The following SPTBN2 variants were observed in gnomAD, a reference collection of about 807,000 sequenced individuals.
SPTBN2 encodes the protein spectrin beta, non-erythrocytic 2.
Under a neutral mutation model 284.2 loss-of-function variants are expected in SPTBN2, and 107 were observed. The ratio of observed to expected loss-of-function variants is 0.38; its 90% CI spans 0.32 to 0.44. The LOEUF is 0.44. Ranked by LOEUF, SPTBN2 falls within the 20% of genes least tolerant of loss-of-function variation. SPTBN2 has a pLI of 1.00. For synonymous variants in SPTBN2, 1,289 were observed against 1,354.8 expected (o/e 0.95, Z 1.07); for missense variants, 2,569 against 3,287.1 (o/e 0.78, Z 5.34).
intron 1 of SPTBN2, among the ~76,000 whole-genome samples, chr11:66,740,871 GC>G (rs1428182187): frequency 6.6e-6 from 1 of 152,144 alleles, no homozygotes; most frequent in Non-Finnish European, 1.5e-5. Context: ...CTCTAGGGGA[GC>G]CTAAGAAACA....
chr11:66,705,248 G>A lies in SPTBN2; in HGVS notation c.2028C>T (p.Ala676=). 1 of 1,572,476 alleles carries A rather than the reference G, an allele frequency of 6.4e-7. No homozygotes were observed. Among genetic ancestry groups the A allele is most frequent in the South Asian group, 1.1e-5 (1 of 87,804 alleles). ...SADTGRDLTG[A]LRLLNKHTAL... The stretch of plus-strand genomic sequence containing the variant: ...CTGTGTGCTTGTTGAGCAGGCGGAG[G>A]GCACCGGTCAGGTCTCGGCCCGTGT... Residue 676 remains alanine, a synonymous_variant, in exon 15 of 38, where the codon GCC becomes GCT. Coordinates refer to ENST00000533211, the MANE Select transcript of SPTBN2 (RefSeq NM_006946.4).
At chr11:66,696,675 C>A (rs561901119) in intron 20 of SPTBN2, 135 bp from the exon 21 acceptor site, 1 of 1,218,196 alleles carries the variant, frequency 8.2e-7, no homozygotes, top group Non-Finnish European at 1.2e-6. Flanking sequence ...GTGTTCTTAT[C>A]GACACACTCT....
intron 36 of SPTBN2, chr11:66,686,758 A>C (rs1940142519): frequency 1.5e-6 from 1 of 652,700 alleles, no homozygotes; most frequent in Non-Finnish European, 2.6e-6. Flanking sequence ...ACCCTGGGTA[A>C]TTTTTCACCT....
At chr11:66,697,192 TG>T (rs1047747057) in intron 20 of SPTBN2, among the ~76,000 whole-genome samples, 3 of 152,146 alleles carry the variant, frequency 2.0e-5, no homozygotes, top group Admixed American at 1.3e-4. Flanking sequence ...CTGATGCCCA[TG>T]GGGGTAACTG....
chr11:66,743,511 C>T (rs929852422), intron 1 of SPTBN2, among the ~76,000 whole-genome samples: 1 of 152,190 alleles, frequency 6.6e-6, no homozygotes, highest in Non-Finnish European at 1.5e-5. Flanking sequence ...CTTTGCCAGG[C>T]AGGAATCTCT....
intron 21 of SPTBN2, among the ~76,000 whole-genome samples, chr11:66,695,228 A>G (rs1940837494): frequency 6.6e-6 from 1 of 152,180 alleles, no homozygotes; most frequent in African/African-American, 2.4e-5. Context: ...CTAGCCTTAT[A>G]AAGTTTTTAT....
rs745800179 is a variant in SPTBN2 at position 66,710,554 on chromosome 11, G to A, written c.1073+28C>T. On this transcript the variant is annotated intron_variant, in intron 10 of 37. Coordinates refer to ENST00000533211, the MANE Select transcript of SPTBN2 (RefSeq NM_006946.4). This position sits in a 1 kb window ranked among gnomAD's most constrained non-coding sequence, Gnocchi z 4.9. ...TTCCTCTCGTGGGAGCACAGCTCAG[G>A]GAAGGGTGGGGCCCCAGGGACACCT... 1.9e-5 allele frequency: 31 copies of A among 1,609,976 alleles called. No individual in the cohort carries two copies. Among genetic ancestry groups the A allele is most frequent in the Non-Finnish European group, 2.6e-5 (31 of 1,178,246 alleles).
At chr11:66,688,395 CTAATTTGATGAAA>C (rs1279613834) in intron 31 of SPTBN2, 84 bp from the exon 32 acceptor site, 17 of 1,542,406 alleles carry the variant, frequency 1.1e-5, no homozygotes, top group Non-Finnish European at 1.5e-5. Context: ...TGTCTCAACT[CTAATTTGATGAAA>C]TATGATAAGA....
At chr11:66,733,318 G>A (rs1215056284), upstream of SPTBN2, among the ~76,000 whole-genome samples, 1 of 152,202 alleles carries the variant, frequency 6.6e-6, no homozygotes, top group African/African-American at 2.4e-5. Flanking sequence ...TGTGGGTAGG[G>A]TGACAGAGAA....
rs765623506 is a variant in SPTBN2, at chr11:66,687,995, T to G, written c.6450+9A>C. The G allele has an allele frequency of 6.2e-7, 1 of 1,614,114 alleles. No homozygotes were observed. Among genetic ancestry groups the G allele is most frequent in the Admixed American group, 1.7e-5 (1 of 60,014 alleles). ...CTCCGATGGGGGCACAGAGGGACAG[T>G]GGGGTCACCTGTGAGGGCTCTCCAT... On this transcript the variant is annotated intron_variant, in intron 33 of 37. Transcript: ENST00000533211. The surrounding 1 kb of genome is among the most constrained non-coding windows in gnomAD (Gnocchi z 5.2).
In SPTBN2 at chr11:66,683,063, ATTTTT is replaced by A. The variant is rs55950324; in HGVS notation, c.*2803_*2807del. Among the ~76,000 whole-genome samples, 5 of 95,730 alleles carry A rather than the reference ATTTTT, an allele frequency of 5.2e-5. No homozygotes were observed. The highest frequency in any genetic ancestry group is 4.4e-4 in the Admixed American group (3 of 6,804). 62.8% of individuals were successfully genotyped at this position (95,730 alleles called of 152,430 possible). A position where few individuals can be genotyped will look rare whatever the true frequency, so the allele number is the denominator to read the frequency against. On this transcript the variant is annotated 3_prime_UTR_variant, in exon 38 of 38. Coordinates refer to ENST00000533211, the MANE Select transcript of SPTBN2 (RefSeq NM_006946.4). ...ACCACCATGCCTGGCCAAGTAATCC[ATTTTT>A]TTTTTTTTTTTTTTTTTGAGATGGA...
chr11:66,734,567 C>T (rs1942839585), intron 1 of SPTBN2, among the ~76,000 whole-genome samples: 1 of 152,176 alleles, frequency 6.6e-6, no homozygotes. Flanking sequence ...ACTCATCCTT[C>T]AGGTATCAAT....
chr11:66,691,248 C>A lies in SPTBN2; in HGVS notation c.5565+36G>T. On this transcript the variant is annotated intron_variant, in intron 27 of 37. Transcript: ENST00000533211. This position sits in a 1 kb window ranked among gnomAD's most constrained non-coding sequence, Gnocchi z 8.0. ...CCCGGCATTTCCCCCATGGCCTCCT[C>A]TAAGCCTCCCCCACCTCCTCATGCT... 1 of 1,511,330 alleles carries A rather than the reference C, an allele frequency of 6.6e-7. No individual in the cohort carries two copies. Among genetic ancestry groups the A allele is most frequent in the South Asian group, 1.3e-5 (1 of 74,596 alleles). The allele number at this position is 1,511,330 out of a possible 1,614,324, so 93.6% of individuals were successfully genotyped here. A position where few individuals can be genotyped will look rare whatever the true frequency, so the allele number is the denominator to read the frequency against.
rs757280713 is a variant in SPTBN2 at position 66,699,447 on chromosome 11, G to A, written c.3735C>T (p.His1245=). The change falls in exon 18 of 38, where the codon CAC becomes CAT. Residue 1245 remains histidine (H), a synonymous_variant. Coordinates refer to ENST00000533211, the MANE Select transcript of SPTBN2 (RefSeq NM_006946.4). ...CTGCCTTTTCCCGAATCTTGTCGGC[G>A]TGGATGTTGCCTTCAGATACCAGCT... ...GRQLVSEGNI[H]ADKIREKADS... The A allele has an allele frequency of 7.4e-6, 12 of 1,613,962 alleles. No individual in the cohort carries two copies. Among genetic ancestry groups the A allele is most frequent in the African/African-American group, 2.7e-5 (2 of 74,878 alleles).
intron 8 of SPTBN2, among the ~76,000 whole-genome samples, chr11:66,712,023 G>A (rs1398197233): frequency 6.6e-6 from 1 of 152,168 alleles, no homozygotes; most frequent in African/African-American, 2.4e-5. Context: ...CCCTGTTCTG[G>A]TTGCACCAAG....
Position 66,700,919 on chromosome 11 carries a change from C to T in SPTBN2, c.3180G>A (p.Ser1060=), listed in dbSNP as rs112972498. The T allele has an allele frequency of 1.0e-4, 168 of 1,601,856 alleles. No individual in the cohort carries two copies. Among genetic ancestry groups the T allele is most frequent in the East Asian group, 2.0e-4 (9 of 44,886 alleles). Residue 1060 remains serine, a synonymous_variant, in exon 17 of 38, where the codon TCG becomes TCA. Coordinates refer to ENST00000533211, the MANE Select transcript of SPTBN2 (RefSeq NM_006946.4). This position sits in a 1 kb window ranked among gnomAD's most constrained non-coding sequence, Gnocchi z 6.6. ...LRATMRRREE[S]LGEARRLQDF... is the part of the protein sequence containing the mutation. ...CCTGCAGCCGCCGCGCCTCCCCCAG[C>T]GACTCTTCTCGACGCCGCATGGTGG...
intron 15 of SPTBN2, among the ~76,000 whole-genome samples, chr11:66,704,268 G>C (rs1049943957): frequency 6.6e-6 from 1 of 152,070 alleles, no homozygotes; most frequent in Non-Finnish European, 1.5e-5. Flanking sequence ...CACCGTGCCC[G>C]GCCGCTTCCT....
intron 1 of SPTBN2, among the ~76,000 whole-genome samples, chr11:66,737,485 C>T (rs1942861925): frequency 6.6e-6 from 1 of 152,184 alleles, no homozygotes; most frequent in Non-Finnish European, 1.5e-5. Flanking sequence ...TAGATGGATT[C>T]TCTGTGGGTT....
intron 1 of SPTBN2, among the ~76,000 whole-genome samples, chr11:66,723,201 G>T (rs1590986596): frequency 6.6e-6 from 1 of 150,992 alleles, no homozygotes; most frequent in South Asian, 2.1e-4. Context: ...TATCTGCTGG[G>T]GATAAAAAAA....
Sources: allele counts gnomAD v4.1 joint callset (sites outside exome capture counted in the v4.1 genomes callset), GRCh38; gene constraint gnomAD v4.1.1; non-coding constraint Gnocchi (gnomAD v3.1); transcripts MANE v1.5; gene names NCBI Gene and HGNC (gene_info 2026-07-23, HGNC 2026-07-21).